The following STAB2 variants were observed in gnomAD, a reference collection of about 807,000 sequenced individuals.
STAB2 encodes the protein stabilin-2.
STAB2 carries 288 observed loss-of-function variants against 338.1 expected under a neutral mutation model. The observed-to-expected ratio is 0.85, with a 90% confidence interval of 0.77 to 0.94. STAB2 has a LOEUF of 0.94. Among genes scored for constraint, STAB2 ranks in the 40% least tolerant of loss-of-function variants. The pLI is 0.00. For synonymous variants in STAB2, 1,202 were observed against 1,193.3 expected (o/e 1.01, Z -0.15); for missense variants, 3,141 against 3,210.1 (o/e 0.98, Z 0.52).
chr12:103,729,261 A>G (rs1018715524), intron 48 of STAB2, among the ~76,000 whole-genome samples: 6 of 152,126 alleles, frequency 3.9e-5, no homozygotes, highest in Non-Finnish European at 5.9e-5. Flanking sequence ...TAGGCTTAAT[A>G]CCTGGGTGAT....
rs375849337 is a variant in STAB2 at position 103,591,050 on chromosome 12, C to T, written c.215+20C>T. 1.6e-5 allele frequency: 25 copies of T among 1,611,690 alleles called. No homozygotes were observed. Among genetic ancestry groups the T allele is most frequent in the Middle Eastern group, 3.3e-4 (2 of 6,078 alleles). Reference sequence around the variant, plus strand: ...TTGCAGGTACTCATGAGAAAATAAACGTGATGGAACTATGAATCCAACTTG... The same window carrying T: ...TTGCAGGTACTCATGAGAAAATAAATGTGATGGAACTATGAATCCAACTTG... On this transcript the variant is annotated intron_variant, in intron 2 of 68. Transcript: ENST00000388887.
intron 19 of STAB2, among the ~76,000 whole-genome samples, chr12:103,667,151 T>C (rs965252527): frequency 1.2e-4 from 18 of 152,268 alleles, no homozygotes; most frequent in African/African-American, 4.3e-4. Context: ...ATGAGCTCTT[T>C]AATGTGATTC....
chr12:103,755,765 C>G, intron 63 of STAB2, 47 bp downstream of exon 63: 5 of 1,596,604 alleles, frequency 3.1e-6, no homozygotes, highest in South Asian at 2.2e-5. Context: ...GAGGGGTTGC[C>G]TCAAAGCAGG....
At position 103,685,098 on chromosome 12, in the gene STAB2, G is replaced by C; in HGVS notation, c.2997+14G>C. 1 of 1,611,592 alleles carries C rather than the reference G, an allele frequency of 6.2e-7. No individual in the cohort carries two copies. Among genetic ancestry groups the C allele is most frequent in the Non-Finnish European group, 8.5e-7 (1 of 1,177,840 alleles). ...AACGCAGCAGTGGTAAGTCATCGAT[G>C]ATGAACTCAATAATATAGACAAAAC... On this transcript the variant is annotated intron_variant, in intron 27 of 68. Transcript: ENST00000388887.
chr12:103,734,103 T>C (rs959391187), intron 51 of STAB2, among the ~76,000 whole-genome samples: 1 of 140,540 alleles, frequency 7.1e-6, no homozygotes, highest in East Asian at 2.1e-4. Context: ...TGCAGTCTTA[T>C]AGGAGCAAGC....
At chr12:103,666,421 A>G in intron 19 of STAB2, 68 bp downstream of exon 19, 1 of 1,506,154 alleles carries the variant, frequency 6.6e-7, no homozygotes, top group Admixed American at 1.7e-5. Context: ...TTCTCAACCT[A>G]TCTACCTTCC....
At chr12:103,759,585 A>G (rs772438951) in intron 65 of STAB2, among the ~76,000 whole-genome samples, 2 of 152,204 alleles carry the variant, frequency 1.3e-5, no homozygotes, top group Non-Finnish European at 2.9e-5. Context: ...CTCCAAAGTC[A>G]AATGACCCCA....
At chr12:103,710,900 G>A (rs1001959664) in intron 39 of STAB2, among the ~76,000 whole-genome samples, 3 of 152,104 alleles carry the variant, frequency 2.0e-5, no homozygotes, top group Admixed American at 6.6e-5. Flanking sequence ...CAAGAAATAG[G>A]TAGGCATCCA....
rs1021400085 is a variant in STAB2, at chr12:103,762,463, C to G, written c.7488+61C>G. On this transcript the variant is annotated intron_variant, in intron 67 of 68. Coordinates refer to ENST00000388887, the MANE Select transcript of STAB2 (RefSeq NM_017564.10). ...CTCTCCAAAAACCCAGTCCCTGGAC[C>G]TGGGCTGCTTCAGTCGGTGGCTGCG... The G allele has an allele frequency of 1.9e-5, 30 of 1,610,072 alleles. No individual in the cohort carries two copies. In the African/African-American group the frequency reaches 3.9e-4, roughly 21 times the overall value.
At chr12:103,679,117 T>G (rs1334073450) in intron 25 of STAB2, among the ~76,000 whole-genome samples, 4 of 152,012 alleles carry the variant, frequency 2.6e-5, no homozygotes, top group Non-Finnish European at 5.9e-5. Context: ...GGCTTACACC[T>G]GTAATCCCAG....
At chr12:103,595,544 T>G (rs1011419508) in intron 3 of STAB2, among the ~76,000 whole-genome samples, 1 of 152,202 alleles carries the variant, frequency 6.6e-6, no homozygotes, top group African/African-American at 2.4e-5. Context: ...ATAATGTCTT[T>G]TGGGTTTTTT....
At chr12:103,737,859 G>A in intron 53 of STAB2, 79 bp downstream of exon 53, 7 of 1,568,382 alleles carry the variant, frequency 4.5e-6, no homozygotes, top group Non-Finnish European at 6.1e-6. Flanking sequence ...GGACCCTGTT[G>A]TGAAACCATT....
In STAB2 at chr12:103,640,235, C is replaced by G; in HGVS notation, c.1019C>G (p.Thr340Ser). 1 of 1,613,462 alleles carries G rather than the reference C, an allele frequency of 6.2e-7. No homozygotes were observed. The highest frequency in any genetic ancestry group is 1.1e-5 in the South Asian group (1 of 91,012). ...TGTCATAGGAATGCAAATTGCACCACCGTCGCACCAGGCCGAACTGAGTAA... is the reference window on the plus strand; with the variant it reads ...TGTCATAGGAATGCAAATTGCACCAGCGTCGCACCAGGCCGAACTGAGTAA... ...NPCHRNANCT[T>S]VAPGRTECIC... is the part of the protein sequence containing the mutation. The change falls in exon 9 of 69, where the codon ACC becomes AGC. Residue 340 changes from threonine to serine, a missense_variant. Thr to Ser is a moderately conservative substitution (Grantham distance 58). Coordinates refer to ENST00000388887, the MANE Select transcript of STAB2 (RefSeq NM_017564.10).
rs367601744 is a variant in STAB2 at position 103,637,082 on chromosome 12, G to A, written c.584-29G>A. ...CTTAAGAACTGGTTATTCTACTAATGCAAGTACTTCAACAATTTTCCTATG... is the reference window on the plus strand; with the variant it reads ...CTTAAGAACTGGTTATTCTACTAATACAAGTACTTCAACAATTTTCCTATG... On this transcript the variant is annotated intron_variant, in intron 6 of 68. Transcript: ENST00000388887. 3.8e-6 allele frequency: 6 copies of A among 1,582,918 alleles called. No individual in the cohort carries two copies. The African/African-American group carries it at 8.2e-5, about 22-fold the overall frequency.
chr12:103,655,640 C>T (rs1874126362), intron 15 of STAB2, 59 bp downstream of exon 15: 3 of 1,589,796 alleles, frequency 1.9e-6, no homozygotes, highest in Non-Finnish European at 2.6e-6. Flanking sequence ...CAGTCTGTGT[C>T]TAAACAGGTT....
intron 18 of STAB2, among the ~76,000 whole-genome samples, chr12:103,664,395 C>G (rs936877215): frequency 6.6e-6 from 1 of 152,178 alleles, no homozygotes; most frequent in East Asian, 1.9e-4. Flanking sequence ...CTGCCCGCCT[C>G]GGCCTCCCAA....
chr12:103,728,730 C>T (rs1394783893), intron 47 of STAB2, 119 bp from the exon 48 acceptor site: 8 of 1,302,088 alleles, frequency 6.1e-6, no homozygotes, highest in Admixed American at 2.0e-5. Flanking sequence ...AAGCTTACTT[C>T]CCAGAGTCTG....
chr12:103,721,529 A>T (rs1251170590), intron 44 of STAB2, among the ~76,000 whole-genome samples: 1 of 152,216 alleles, frequency 6.6e-6, no homozygotes, highest in Non-Finnish European at 1.5e-5. Flanking sequence ...ATGTAGGTCA[A>T]TGTCAATGTC....
intron 22 of STAB2, 96 bp downstream of exon 22, chr12:103,670,903 CT>C: frequency 1.0e-6 from 1 of 993,064 alleles, no homozygotes; most frequent in Non-Finnish European, 1.6e-6. Flanking sequence ...CTCAGGACCC[CT>C]TTGCTTGGGT....
Sources: gnomAD v4.1 joint callset for allele counts (sites outside exome capture counted in the v4.1 genomes callset) on GRCh38, gnomAD v4.1.1 for gene constraint, MANE v1.5 for transcripts, NCBI Gene and HGNC (gene_info 2026-07-23, HGNC 2026-07-21) for gene names.